PCDHA2: variants seen among roughly 807,000 people sequenced by gnomAD.
PCDHA2 encodes protocadherin alpha 2, also known as protocadherin alpha-2.
A neutral mutation model predicts 66.0 loss-of-function variants in PCDHA2; 58 were observed. The ratio of observed to expected loss-of-function variants is 0.88; its 90% confidence interval spans 0.71 to 1.09. The LOEUF (loss-of-function observed/expected upper bound fraction) is 1.09. PCDHA2 is among the 50% of genes least tolerant of loss of function. The pLI, the probability that PCDHA2 is intolerant of heterozygous loss-of-function variation, is 0.00. For missense variants in PCDHA2, 1,267 were observed against 1,242.3 expected (o/e 1.02, Z -0.30); for synonymous variants, 634 against 554.0 (o/e 1.14, Z -2.03).
intron 3 of PCDHA2, among the ~76,000 whole-genome samples, chr5:140,994,353 C>T (rs1321687113): frequency 6.6e-6 from 1 of 152,110 alleles, no homozygotes; most frequent in East Asian, 1.9e-4. Flanking sequence ...TGTGGGACCT[C>T]AGAAGATGGA....
rs782441014 is a variant in PCDHA2 at position 140,870,020 on chromosome 5, C to T, written c.2388+72668C>T. On this transcript the variant is annotated intron_variant, in intron 1 of 3. Transcript: ENST00000526136. ...AATGGAGAAGTGAGGGTCAATGGAACTTTAGATTATGAAGAAAACAAGTTT... is the reference window on the plus strand; with the variant it reads ...AATGGAGAAGTGAGGGTCAATGGAATTTTAGATTATGAAGAAAACAAGTTT... The T allele has an allele frequency of 1.9e-6, 3 of 1,613,394 alleles. No individual in the cohort carries two copies. The highest frequency in any genetic ancestry group is 2.7e-5 in the African/African-American group (2 of 74,862).
chr5:140,929,613 C>A, intron 1 of PCDHA2: 6 of 406,162 alleles, frequency 1.5e-5, no homozygotes, highest in Non-Finnish European at 2.7e-5. Flanking sequence ...AATAAAATAC[C>A]AAAATATTTT....
At chr5:140,838,268 C>T (rs1775630088) in intron 1 of PCDHA2, among the ~76,000 whole-genome samples, 2 of 138,020 alleles carry the variant, frequency 1.4e-5, no homozygotes, top group Admixed American at 7.6e-5. Context: ...CGCCAACAAC[C>T]AAGCCATGCT....
chr5:140,869,936 C>T (rs1554163630), intron 1 of PCDHA2: 1 of 1,611,844 alleles, frequency 6.2e-7, no homozygotes, highest in South Asian at 1.1e-5. Flanking sequence ...GGAGAGGTAA[C>T]ATACTCCTTA....
At chr5:140,834,317 G>A in intron 1 of PCDHA2, 4 of 1,393,006 alleles carry the variant, frequency 2.9e-6, no homozygotes, top group South Asian at 1.4e-5. Context: ...GAAATGAAGG[G>A]ATAAAAACAT....
At chr5:140,829,796 C>T (rs201762893) in intron 1 of PCDHA2, 5 of 1,613,774 alleles carry the variant, frequency 3.1e-6, no homozygotes, top group African/African-American at 2.7e-5. Flanking sequence ...GCTGGCGCCT[C>T]GGGTGGGTGG....
At position 140,975,481 on chromosome 5, in the gene PCDHA2, T is replaced by C. The variant is rs566642912; in HGVS notation, c.2389-3468T>C. Among the ~76,000 whole-genome samples, 225 of 152,370 alleles carry C rather than the reference T, an allele frequency of 1.5e-3. 1 individual carries two copies. The highest frequency in any genetic ancestry group is 5.2e-3 in the African/African-American group (216 of 41,590). ...TCTTGGAATTCTGCCTATCAGTTTA[T>C]ATCAATGTTCATAAAATAGCACTAT... On this transcript the variant is annotated intron_variant, in intron 1 of 3. Transcript: ENST00000526136.
intron 1 of PCDHA2, chr5:140,803,114 G>T (rs1581658412): frequency 1.9e-6 from 3 of 1,613,732 alleles, no homozygotes; most frequent in African/African-American, 2.7e-5. Flanking sequence ...CCCTGGACGA[G>T]GTGGACGCCC....
At chr5:140,864,452 T>C (rs1368510551) in intron 1 of PCDHA2, 1 of 152,266 alleles carries the variant, frequency 6.6e-6, no homozygotes, top group East Asian at 1.9e-4. Context: ...TCATGATCAA[T>C]ATCCATCTTT....
chr5:140,966,652 G>C (rs556593659), intron 1 of PCDHA2: 2 of 1,169,200 alleles, frequency 1.7e-6, no homozygotes, highest in Admixed American at 3.9e-5. Context: ...GAGCGTGAGC[G>C]GTGGGGGAGC....
chr5:140,941,191 T>TTTTTTC (rs1554213809), intron 1 of PCDHA2, among the ~76,000 whole-genome samples: 1 of 93,206 alleles, frequency 1.1e-5, no homozygotes, highest in African/African-American at 3.9e-5. Context: ...GCTTCTTTTT[T>TTTTTTC]TTTCTTTCTT....
chr5:140,812,423 A>G (rs1765104720), intron 1 of PCDHA2: 1 of 151,764 alleles, frequency 6.6e-6, no homozygotes, highest in Non-Finnish European at 1.5e-5. Flanking sequence ...TTGTTTTTTC[A>G]AAAAATCAAC....
chr5:140,933,405 T>C (rs2089126451), intron 1 of PCDHA2, among the ~76,000 whole-genome samples: 1 of 152,062 alleles, frequency 6.6e-6, no homozygotes, highest in African/African-American at 2.4e-5. Context: ...GGTTACCATC[T>C]ACAGATATTC....
intron 1 of PCDHA2, among the ~76,000 whole-genome samples, chr5:140,893,163 T>C (rs557235731): frequency 6.6e-6 from 1 of 152,354 alleles, no homozygotes; most frequent in African/African-American, 2.4e-5. Flanking sequence ...GATATTGAGG[T>C]TGATTCCACA....
rs782301588 is a variant in PCDHA2 at position 140,802,482 on chromosome 5, G to A, written c.2388+5130G>A. ...CTATGAGCTGGTGGTGACTGCTCGGGACGGGGGCTCGCCTTCACTGTGGGC... is the reference window on the plus strand; with the variant it reads ...CTATGAGCTGGTGGTGACTGCTCGGAACGGGGGCTCGCCTTCACTGTGGGC... On this transcript the variant is annotated intron_variant, in intron 1 of 3. Coordinates refer to ENST00000526136, the MANE Select transcript of PCDHA2 (RefSeq NM_018905.3). The A allele has an allele frequency of 6.2e-7, 1 of 1,614,192 alleles. No homozygotes were observed. The highest frequency in any genetic ancestry group is 8.5e-7 in the Non-Finnish European group (1 of 1,180,028).
intron 1 of PCDHA2, chr5:140,968,130 T>C: frequency 6.2e-7 from 1 of 1,614,114 alleles, no homozygotes; most frequent in Non-Finnish European, 8.5e-7. Flanking sequence ...CTGCGTACAC[T>C]GAAGGTTGAG....
chr5:140,910,958 C>G (rs571427431), intron 1 of PCDHA2, among the ~76,000 whole-genome samples: 2 of 152,220 alleles, frequency 1.3e-5, no homozygotes, highest in East Asian at 3.9e-4. Context: ...TCGAGTGTAG[C>G]ACACCTCCTC....
intron 1 of PCDHA2, chr5:140,848,229 G>T: frequency 2.5e-6 from 1 of 402,640 alleles, no homozygotes; most frequent in South Asian, 5.0e-5. Flanking sequence ...TTAAGAAAAT[G>T]AAATAAGTTT....
rs2150345601 is a variant in PCDHA2 at position 140,842,829 on chromosome 5, C to G, written c.2388+45477C>G. Reference sequence around the variant, plus strand: ...GTGGAGCGGCGGGTGGGCGAGCGCTCGCTGTCGAGCTACATTTCGGTGCAC... The same window carrying G: ...GTGGAGCGGCGGGTGGGCGAGCGCTGGCTGTCGAGCTACATTTCGGTGCAC... On this transcript the variant is annotated intron_variant, in intron 1 of 3. Coordinates refer to ENST00000526136, the MANE Select transcript of PCDHA2 (RefSeq NM_018905.3). The G allele has an allele frequency of 8.8e-6, 14 of 1,593,636 alleles. 2 individuals are homozygous for G. The highest frequency in any genetic ancestry group is 1.1e-5 in the South Asian group (1 of 90,422).
Sources: gnomAD v4.1 joint callset for allele counts (sites outside exome capture counted in the v4.1 genomes callset) on GRCh38, gnomAD v4.1.1 for gene constraint, MANE v1.5 for transcripts, NCBI Gene and HGNC (gene_info 2026-07-23, HGNC 2026-07-21) for gene names.